The following NFXL1 variants were observed in gnomAD, a reference collection of about 807,000 sequenced individuals.
NFXL1 encodes nuclear transcription factor, X-box binding like 1.
In NFXL1, 66 loss-of-function variants were observed where a neutral mutation model predicts 123.3. The ratio of observed to expected loss-of-function variants is 0.54; its 90% CI spans 0.44 to 0.66. The LOEUF is 0.66. NFXL1 is among the 30% of genes least tolerant of loss of function. The pLI, the probability that NFXL1 is intolerant of heterozygous loss-of-function variation, is 0.00. For synonymous variants in NFXL1, 346 were observed against 360.8 expected (o/e 0.96, Z 0.46); for missense variants, 944 against 1,125.6 (o/e 0.84, Z 2.31).
chr4:47,911,597 A>C (rs1321623697), intron 2 of NFXL1, among the ~76,000 whole-genome samples: 1 of 152,234 alleles, frequency 6.6e-6, no homozygotes, highest in Non-Finnish European at 1.5e-5. Context: ...TGGTCACACA[A>C]AAAAACATAT....
chr4:47,895,958 T>C (rs745547012), intron 10 of NFXL1, among the ~76,000 whole-genome samples: 3 of 152,192 alleles, frequency 2.0e-5, no homozygotes, highest in Non-Finnish European at 2.9e-5. Context: ...GAGTTATCAA[T>C]TGGCCTAATT....
intron 18 of NFXL1, among the ~76,000 whole-genome samples, chr4:47,867,584 T>A (rs1735177431): frequency 6.6e-6 from 1 of 151,764 alleles, no homozygotes; most frequent in African/African-American, 2.4e-5. Flanking sequence ...CCTGAAAAAA[T>A]TTATCAAAAA....
At chr4:47,913,583 T>C (rs1468046347) in intron 2 of NFXL1, among the ~76,000 whole-genome samples, 1 of 152,224 alleles carries the variant, frequency 6.6e-6, no homozygotes, top group African/African-American at 2.4e-5. Context: ...AGCCACAAGG[T>C]TGTTAACCAG....
Position 47,851,867 on chromosome 4 carries a change from T to C in NFXL1, c.2497A>G (p.Lys833Glu). 5 of 1,603,452 alleles carry C rather than the reference T, an allele frequency of 3.1e-6. No homozygotes were observed. Among genetic ancestry groups the C allele is most frequent in the Non-Finnish European group, 4.3e-6 (5 of 1,170,970 alleles). The part of the protein sequence containing the change: ...CDTTCKEMKR[K>E]ASEIKEAEAK... The stretch of plus-strand genomic sequence containing the variant: ...TAACGAGACATTACCTCAGATGCTT[T>C]CCGCTTCATTTCCTTGCACGTTGTG... The change falls in exon 21 of 23, where the codon AAA becomes GAA. Residue 833 changes from lysine (K) to glutamate (E), a missense_variant. Physicochemically the swap from Lys to Glu is moderately conservative, Grantham distance 56 (BLOSUM62 1). Transcript: ENST00000507489.
At chr4:47,854,114 C>A (rs1734274087) in intron 20 of NFXL1, among the ~76,000 whole-genome samples, 1 of 152,028 alleles carries the variant, frequency 6.6e-6, no homozygotes, top group Admixed American at 6.6e-5. Context: ...ATTCCACTCC[C>A]TAAAAGGCCA....
chr4:47,855,213 CT>C (rs1734340850), intron 19 of NFXL1, 50 bp from the exon 20 acceptor site: 1 of 1,084,004 alleles, frequency 9.2e-7, no homozygotes, highest in South Asian at 1.4e-5. Flanking sequence ...CTTGATCATA[CT>C]CTAGTTTCCC....
At chr4:47,891,812 T>TGTA (rs539715983) in intron 11 of NFXL1, among the ~76,000 whole-genome samples, 535 of 152,186 alleles carry the variant, frequency 3.5e-3, no homozygotes, top group Non-Finnish European at 5.1e-3. Flanking sequence ...AGTGCGTGCC[T>TGTA]GTAGTCCCAG....
At chr4:47,884,149 T>A (rs1479927205) in intron 15 of NFXL1, among the ~76,000 whole-genome samples, 197 bp downstream of exon 15, 1 of 152,100 alleles carries the variant, frequency 6.6e-6, no homozygotes, top group Non-Finnish European at 1.5e-5. Flanking sequence ...AAAAAAGATA[T>A]CTATAGTAGG....
chr4:47,854,386 T>C (rs1260908175), intron 20 of NFXL1, among the ~76,000 whole-genome samples: 5 of 152,090 alleles, frequency 3.3e-5, no homozygotes, highest in Non-Finnish European at 7.4e-5. Context: ...GAGTAAGCAC[T>C]GCCAACAGGG....
intron 3 of NFXL1, among the ~76,000 whole-genome samples, chr4:47,907,571 C>T (rs1238425236): frequency 2.0e-5 from 3 of 152,160 alleles, no homozygotes; most frequent in Non-Finnish European, 4.4e-5. Flanking sequence ...AAGGTGGGAA[C>T]CATCCCATTA....
intron 12 of NFXL1, 123 bp downstream of exon 12, chr4:47,890,490 G>C: frequency 1.6e-6 from 1 of 610,534 alleles, no homozygotes; most frequent in Admixed American, 3.0e-5. Context: ...TCCAGGTTAA[G>C]AGAGTCAAGT....
intron 18 of NFXL1, among the ~76,000 whole-genome samples, chr4:47,871,307 T>C (rs1056291688): frequency 3.3e-5 from 5 of 149,276 alleles, no homozygotes; most frequent in Non-Finnish European, 7.4e-5. Flanking sequence ...GAGCAGATTA[T>C]GCCACTGCAC....
chr4:47,899,219 T>C, intron 6 of NFXL1, 99 bp from the exon 7 acceptor site: 1 of 1,311,242 alleles, frequency 7.6e-7, no homozygotes. Context: ...TCTAGAACTT[T>C]CTTTACTGAC....
intron 11 of NFXL1, among the ~76,000 whole-genome samples, chr4:47,893,636 A>C (rs58511183): frequency 0.092 from 13,939 of 152,036 alleles, 991 homozygotes; most frequent in East Asian, 0.31. Flanking sequence ...GTATATTCAG[A>C]CATACAAAGT....
intron 17 of NFXL1, 38 bp from the exon 18 acceptor site, chr4:47,875,331 G>A (rs1735681079): frequency 1.3e-6 from 2 of 1,504,692 alleles, no homozygotes; most frequent in South Asian, 1.2e-5. Context: ...CTAAGTACAA[G>A]GTAAGCCTAA....
At chr4:47,877,899 T>A (rs1318764185) in intron 17 of NFXL1, among the ~76,000 whole-genome samples, 1 of 152,040 alleles carries the variant, frequency 6.6e-6, no homozygotes, top group Non-Finnish European at 1.5e-5. Flanking sequence ...AACGGAAGTC[T>A]AGAAAAAAAT....
chr4:47,883,678 T>G (rs1462279269), intron 15 of NFXL1, among the ~76,000 whole-genome samples: 1 of 152,152 alleles, frequency 6.6e-6, no homozygotes, highest in Non-Finnish European at 1.5e-5. Flanking sequence ...GCTTTTAGAA[T>G]TAAAAAACAA....
At chr4:47,867,364 G>A (rs1038832645) in intron 18 of NFXL1, among the ~76,000 whole-genome samples, 28 of 151,620 alleles carry the variant, frequency 1.8e-4, no homozygotes, top group Admixed American at 1.8e-3. Flanking sequence ...CTGAAACGAG[G>A]CAGCAAAACA....
chr4:47,878,535 C>T lies in NFXL1; in HGVS notation c.2069G>A (p.Gly690Glu). The T allele has an allele frequency of 6.4e-7, 1 of 1,573,868 alleles. No individual in the cohort carries two copies. Among genetic ancestry groups the T allele is most frequent in the Middle Eastern group, 1.7e-4 (1 of 5,872 alleles). Reference sequence around the variant, plus strand: ...ATCTAAGAACATTACCTTGTTTTTTCCAGTGCAGCCATCAGTTTTGGTTAC... The same window carrying T: ...ATCTAAGAACATTACCTTGTTTTTTTCAGTGCAGCCATCAGTTTTGGTTAC... ...HKVTKTDGCT[G>E]KNKAGPECLH... Residue 690 changes from glycine (G) to glutamate (E), a missense_variant, in exon 17 of 23, where the codon GGA becomes GAA. Gly to Glu is a moderately conservative substitution (Grantham distance 98). This residue lies in a region of NFXL1 where 301 missense variants were observed against 348.0 expected (regional missense o/e 0.86). Transcript: ENST00000507489.
Sources: gnomAD v4.1 joint callset for allele counts (sites outside exome capture counted in the v4.1 genomes callset) on GRCh38, gnomAD v4.1.1 for gene constraint, gnomAD v4.1.1 regional missense constraint, MANE v1.5 for transcripts, NCBI Gene and HGNC (gene_info 2026-07-23, HGNC 2026-07-21) for gene names.